EPC2: variants seen among roughly 807,000 people sequenced by gnomAD.
EPC2 encodes the protein enhancer of polycomb 2.
A neutral mutation model predicts 92.1 loss-of-function variants in EPC2; 14 were observed. The observed-to-expected ratio is 0.15, with a 90% CI of 0.10 to 0.24. The LOEUF is 0.24. EPC2 is among the 10% of genes least tolerant of loss of function. The probability of loss-of-function intolerance (pLI) is 1.00; values close to 1 mark genes in which losing one functional copy is unlikely to be tolerated. For synonymous variants in EPC2, 340 were observed against 334.7 expected (o/e 1.02, Z -0.17); for missense variants, 755 against 971.5 (o/e 0.78, Z 2.96).
At chr2:148,650,866 T>C (rs1680668553) in intron 1 of EPC2, among the ~76,000 whole-genome samples, 2 of 152,138 alleles carry the variant, frequency 1.3e-5, no homozygotes, top group South Asian at 4.1e-4. Context: ...AAATAAGATA[T>C]TGGGAAACTA....
intron 2 of EPC2, among the ~76,000 whole-genome samples, chr2:148,713,726 A>G (rs1682201705): frequency 6.6e-6 from 1 of 152,142 alleles, no homozygotes; most frequent in African/African-American, 2.4e-5. Context: ...AGATATACAG[A>G]TACTTCCCAT....
At chr2:148,757,236 C>T (rs555971094) in intron 4 of EPC2, among the ~76,000 whole-genome samples, 4 of 151,992 alleles carry the variant, frequency 2.6e-5, no homozygotes, top group Non-Finnish European at 4.4e-5. Flanking sequence ...ATTAGCTGGG[C>T]GTGGTGGCAG....
intron 1 of EPC2, among the ~76,000 whole-genome samples, chr2:148,682,487 A>ACC (rs1681419022): frequency 1.3e-5 from 2 of 152,346 alleles, no homozygotes; most frequent in South Asian, 4.1e-4. Context: ...TTGAGTGCAC[A>ACC]CCAAAACCCT....
intron 2 of EPC2, among the ~76,000 whole-genome samples, chr2:148,697,203 C>T (rs952475394): frequency 3.3e-5 from 5 of 152,204 alleles, no homozygotes; most frequent in Non-Finnish European, 7.3e-5. Context: ...CTGTTTTATA[C>T]TGCCTCTTAG....
intron 1 of EPC2, among the ~76,000 whole-genome samples, chr2:148,659,484 A>G (rs1680889579): frequency 6.6e-6 from 1 of 152,184 alleles, no homozygotes; most frequent in Non-Finnish European, 1.5e-5. Flanking sequence ...CTGATGTGAA[A>G]TGCAGAATTT....
chr2:148,736,460 CTT>C (rs1682756180), intron 2 of EPC2, among the ~76,000 whole-genome samples: 1 of 151,882 alleles, frequency 6.6e-6, no homozygotes, highest in Admixed American at 6.6e-5. Flanking sequence ...ACAGGGTGCT[CTT>C]GTTTCTTTTA....
chr2:148,718,278 C>G (rs1046729575), intron 2 of EPC2, among the ~76,000 whole-genome samples: 5 of 151,812 alleles, frequency 3.3e-5, no homozygotes, highest in African/African-American at 2.4e-5. Context: ...ATTTGATTCT[C>G]TCATCATGCT....
chr2:148,754,727 T>C (rs939927113), intron 4 of EPC2, among the ~76,000 whole-genome samples: 4 of 152,164 alleles, frequency 2.6e-5, no homozygotes, highest in Admixed American at 6.5e-5. Context: ...TTTCTCCTTT[T>C]CTGAGTTGTC....
intron 2 of EPC2, among the ~76,000 whole-genome samples, chr2:148,709,301 CT>C: frequency 6.6e-6 from 1 of 152,250 alleles, no homozygotes; most frequent in Admixed American, 6.5e-5. Flanking sequence ...TGTGAAGGAC[CT>C]CTTCAAGGAG....
intron 10 of EPC2, among the ~76,000 whole-genome samples, chr2:148,778,457 A>G (rs1023769765): frequency 2.0e-5 from 3 of 152,144 alleles, no homozygotes; most frequent in Non-Finnish European, 4.4e-5. Flanking sequence ...TCTCTTATGA[A>G]TGTATTTCAG....
At chr2:148,651,870 T>C (rs934525959) in intron 1 of EPC2, among the ~76,000 whole-genome samples, 3 of 152,136 alleles carry the variant, frequency 2.0e-5, no homozygotes, top group Non-Finnish European at 4.4e-5. Flanking sequence ...ACTGAAACTT[T>C]AGAAATTAAG....
intron 7 of EPC2, among the ~76,000 whole-genome samples, chr2:148,765,878 C>CA (rs933083573): frequency 4.6e-4 from 67 of 145,538 alleles, no homozygotes; most frequent in African/African-American, 1.4e-3. Flanking sequence ...TCTACTAAAA[C>CA]AAAAAAAATC....
chr2:148,769,373 A>T, intron 8 of EPC2, 133 bp downstream of exon 8: 1 of 661,604 alleles, frequency 1.5e-6, no homozygotes, highest in Non-Finnish European at 2.7e-6. Flanking sequence ...TTATGTGGAT[A>T]CTGGTAAAAG....
At position 148,714,983 on chromosome 2, in the gene EPC2, A is replaced by G. The variant is rs559198451; in HGVS notation, c.313+24610A>G. On this transcript the variant is annotated intron_variant, in intron 2 of 13. Coordinates refer to ENST00000258484, the MANE Select transcript of EPC2 (RefSeq NM_015630.4). ...CATCTTTGTCATGAAATCTTCGCCCATGCCTATATCCTGAATGGTATCGCC... is the reference window on the plus strand; with the variant it reads ...CATCTTTGTCATGAAATCTTCGCCCGTGCCTATATCCTGAATGGTATCGCC... Among the ~76,000 whole-genome samples, 30 of 146,130 alleles carry G rather than the reference A, an allele frequency of 2.1e-4. 1 individual carries two copies. Among genetic ancestry groups the G allele is most frequent in the African/African-American group, 7.2e-4 (28 of 39,148 alleles).
At chr2:148,708,348 A>G (rs939829089) in intron 2 of EPC2, among the ~76,000 whole-genome samples, 2 of 152,186 alleles carry the variant, frequency 1.3e-5, no homozygotes, top group African/African-American at 4.8e-5. Flanking sequence ...TGAAGCAATA[A>G]TTAATAGCCT....
At chr2:148,776,812 G>A (rs1442267511) in intron 10 of EPC2, among the ~76,000 whole-genome samples, 1 of 150,630 alleles carries the variant, frequency 6.6e-6, no homozygotes, top group African/African-American at 2.4e-5. Context: ...AGGCCAGGAG[G>A]TTGAGAACAG....
At chr2:148,722,110 A>G (rs952522854) in intron 2 of EPC2, among the ~76,000 whole-genome samples, 5 of 152,074 alleles carry the variant, frequency 3.3e-5, no homozygotes, top group African/African-American at 4.8e-5. Flanking sequence ...GTAACTGGGT[A>G]AAGGGAACTG....
intron 2 of EPC2, among the ~76,000 whole-genome samples, chr2:148,697,312 CT>C (rs1031492582): frequency 5.5e-4 from 79 of 143,264 alleles, no homozygotes; most frequent in South Asian, 1.1e-3. Context: ...GTAATGGATT[CT>C]TTTTTTTTTT....
At chr2:148,782,811 A>G (rs1683781571) in intron 11 of EPC2, among the ~76,000 whole-genome samples, 1 of 152,134 alleles carries the variant, frequency 6.6e-6, no homozygotes, top group Admixed American at 6.5e-5. Flanking sequence ...AATTTGAACC[A>G]CCTGAAAAAC....
Sources: gnomAD v4.1 joint callset for allele counts (sites outside exome capture counted in the v4.1 genomes callset) on GRCh38, gnomAD v4.1.1 for gene constraint, MANE v1.5 for transcripts, NCBI Gene and HGNC (gene_info 2026-07-23, HGNC 2026-07-21) for gene names.